The following DPP6 variants were observed in gnomAD, a reference collection of about 807,000 sequenced individuals.
The protein encoded by DPP6 is A-type potassium channel modulatory protein DPP6.
In DPP6, 69 loss-of-function variants were observed where a neutral mutation model predicts 122.6. That is an observed-to-expected ratio of 0.56 (90% CI 0.46 to 0.69). The LOEUF is 0.69. DPP6 is among the 30% of genes least tolerant of loss of function. The pLI is 0.00. For synonymous variants in DPP6, 418 were observed against 433.1 expected (o/e 0.97, Z 0.43); for missense variants, 928 against 1,116.9 (o/e 0.83, Z 2.41).
At chr7:154,119,176 G>A (rs1423232800) in intron 1 of DPP6, among the ~76,000 whole-genome samples, 1 of 152,180 alleles carries the variant, frequency 6.6e-6, no homozygotes, top group Non-Finnish European at 1.5e-5. Context: ...ATGGTTCCGA[G>A]CTAGAGCTGG....
chr7:154,382,191 T>A (rs1295642331), intron 1 of DPP6, among the ~76,000 whole-genome samples: 2 of 151,934 alleles, frequency 1.3e-5, no homozygotes, highest in Non-Finnish European at 2.9e-5. Flanking sequence ...TCGTCCGCAT[T>A]TTTTTTCTTC....
intron 1 of DPP6, among the ~76,000 whole-genome samples, chr7:154,142,696 A>G (rs1795907932): frequency 6.6e-6 from 1 of 152,134 alleles, no homozygotes; most frequent in South Asian, 2.1e-4. Flanking sequence ...CACATTATTA[A>G]TAAAACCATG....
chr7:154,581,856 C>T (rs1245167809), intron 5 of DPP6, among the ~76,000 whole-genome samples: 5 of 152,180 alleles, frequency 3.3e-5, no homozygotes, highest in South Asian at 2.1e-4. Context: ...CCGGGGTTAC[C>T]GAAAAGGCCC....
At chr7:154,407,015 A>C (rs1409688179) in intron 1 of DPP6, among the ~76,000 whole-genome samples, 1 of 152,150 alleles carries the variant, frequency 6.6e-6, no homozygotes, top group Non-Finnish European at 1.5e-5. Context: ...CAAATCAGTC[A>C]TTATTCTTGC....
At chr7:154,092,175 T>C (rs1804901447) in intron 1 of DPP6, 1 of 152,180 alleles carries the variant, frequency 6.6e-6, no homozygotes, top group Admixed American at 6.5e-5. Context: ...CCTGTTTATA[T>C]CCTTTACTCA....
At chr7:154,409,309 C>T (rs1032630729) in intron 1 of DPP6, among the ~76,000 whole-genome samples, 6 of 152,256 alleles carry the variant, frequency 3.9e-5, no homozygotes, top group Non-Finnish European at 8.8e-5. Flanking sequence ...AGAGAAAAGA[C>T]CATGAAAGTA....
At chr7:153,866,500 GT>G in the DPP6 span, among the ~76,000 whole-genome samples, 1 of 151,998 alleles carries the variant, frequency 6.6e-6, no homozygotes. Flanking sequence ...TGATGGGGTT[GT>G]TTTTTTCTTG....
intron 8 of DPP6, among the ~76,000 whole-genome samples, chr7:154,766,161 T>C (rs1206928542): frequency 6.6e-6 from 1 of 152,228 alleles, no homozygotes; most frequent in East Asian, 1.9e-4. Context: ...GCCCTAGTTT[T>C]GTACGGCTGG....
Position 154,483,691 on chromosome 7 carries a change from C to T in DPP6, c.457+8654C>T, listed in dbSNP as rs576865230. Among the ~76,000 whole-genome samples the T allele has an allele frequency of 3.3e-5, 5 of 152,134 alleles. No individual in the cohort carries two copies. Among genetic ancestry groups the T allele is most frequent in the Middle Eastern group, 3.2e-3 (1 of 316 alleles). The stretch of plus-strand genomic sequence containing the variant: ...AAAAGCCCAGGTGAAGTTTTTGTTT[C>T]GTTTTGTTTTGCTTTGCTTTTGAGA... On this transcript the variant is annotated intron_variant, in intron 3 of 25. Coordinates refer to ENST00000377770, the MANE Select transcript of DPP6 (RefSeq NM_130797.4). This position sits in a 1 kb window ranked among gnomAD's most constrained non-coding sequence, Gnocchi z 8.1.
intron 16 of DPP6, among the ~76,000 whole-genome samples, chr7:154,835,270 C>T (rs1441603590): frequency 7.9e-5 from 12 of 152,116 alleles, no homozygotes; most frequent in African/African-American, 2.7e-4. Context: ...CGCTGCTGTG[C>T]GACGTCAGAG....
At chr7:154,256,403 C>T (rs1163419111) in intron 1 of DPP6, among the ~76,000 whole-genome samples, 2 of 152,164 alleles carry the variant, frequency 1.3e-5, no homozygotes, top group African/African-American at 2.4e-5. Context: ...AGCTGTGGAA[C>T]CAAATGGAAA....
chr7:154,338,943 T>G (rs1242930869), intron 1 of DPP6, among the ~76,000 whole-genome samples: 4 of 152,222 alleles, frequency 2.6e-5, no homozygotes, highest in African/African-American at 9.6e-5. Flanking sequence ...GCAGCCTCAA[T>G]GCTCTACCGA....
chr7:154,016,605 T>G (rs1033076511), intron 1 of DPP6, among the ~76,000 whole-genome samples: 1 of 151,990 alleles, frequency 6.6e-6, no homozygotes, highest in Non-Finnish European at 1.5e-5. Context: ...TCTACAAAGG[T>G]TTTTGGAAAA....
intron 1 of DPP6, among the ~76,000 whole-genome samples, chr7:154,314,481 T>C (rs1807256457): frequency 6.6e-6 from 1 of 152,200 alleles, no homozygotes; most frequent in Non-Finnish European, 1.5e-5. Context: ...TGCCCAGTGA[T>C]TTTTGGACTT....
intron 16 of DPP6, among the ~76,000 whole-genome samples, chr7:154,816,329 A>G (rs1196335972): frequency 6.6e-6 from 1 of 152,252 alleles, no homozygotes; most frequent in Non-Finnish European, 1.5e-5. Context: ...ATATTGTTAT[A>G]ATAGTTTGAT....
chr7:153,985,652 G>T (rs1232807089), intron 1 of DPP6, among the ~76,000 whole-genome samples: 1 of 152,170 alleles, frequency 6.6e-6, no homozygotes, highest in Non-Finnish European at 1.5e-5. Context: ...AGTAAATCCA[G>T]TGGAAACATG....
intron 3 of DPP6, among the ~76,000 whole-genome samples, chr7:154,478,604 T>G (rs775688946): frequency 3.9e-5 from 6 of 152,196 alleles, no homozygotes; most frequent in Middle Eastern, 3.2e-3. Flanking sequence ...GATTCCCATT[T>G]TACAGATGAA....
intron 20 of DPP6, among the ~76,000 whole-genome samples, chr7:154,879,093 C>T (rs569611627): frequency 6.6e-5 from 10 of 152,290 alleles, no homozygotes; most frequent in Admixed American, 5.9e-4. Context: ...GGGTCCCAGC[C>T]GTTGCCAGGG....
At chr7:154,853,880 C>T in intron 17 of DPP6, 53 bp downstream of exon 17, 1 of 1,606,506 alleles carries the variant, frequency 6.2e-7, no homozygotes, top group South Asian at 1.1e-5. Flanking sequence ...AGAAAGGAAG[C>T]AAAACACTCT....
Sources: allele counts gnomAD v4.1 joint callset (sites outside exome capture counted in the v4.1 genomes callset), GRCh38; gene constraint gnomAD v4.1.1; non-coding constraint Gnocchi (gnomAD v3.1); transcripts MANE v1.5; gene names NCBI Gene and HGNC (gene_info 2026-07-23, HGNC 2026-07-21).